Variants in EFCAB6 observed in about 807,000 individuals in gnomAD.
EFCAB6 encodes the protein EF-hand calcium-binding domain-containing protein 6.
In EFCAB6, 156 loss-of-function variants were observed where a neutral mutation model predicts 169.8. That is an observed-to-expected ratio of 0.92 (90% CI 0.81 to 1.05). EFCAB6 has a LOEUF of 1.05. Ranked by LOEUF, EFCAB6 falls within the 50% of genes least tolerant of loss-of-function variation. EFCAB6 has a pLI of 0.00. For missense variants in EFCAB6, 1,800 were observed against 1,829.1 expected, an observed-to-expected ratio of 0.98 and a Z score of 0.29; for synonymous variants, 698 against 676.4, an observed-to-expected ratio of 1.03 and a Z score of -0.50.
chr22:43,574,555 G>A (rs747343953), intron 26 of EFCAB6, among the ~76,000 whole-genome samples: 15 of 152,002 alleles, frequency 9.9e-5, no homozygotes, highest in Middle Eastern at 3.4e-3. Context: ...CCCCATCATC[G>A]TGGGGTCTAG....
intron 27 of EFCAB6, among the ~76,000 whole-genome samples, chr22:43,545,473 G>A (rs1277544432): frequency 6.6e-6 from 1 of 152,176 alleles, no homozygotes; most frequent in Non-Finnish European, 1.5e-5. Context: ...GAAGTACAGC[G>A]AATCATTAAG....
chr22:43,637,674 C>T (rs370599284), intron 17 of EFCAB6, among the ~76,000 whole-genome samples: 4 of 152,088 alleles, frequency 2.6e-5, no homozygotes, highest in Non-Finnish European at 1.5e-5. Context: ...CTGTGGAATT[C>T]GGCAGGAAGC....
At chr22:43,541,228 C>T (rs1268400566) in intron 27 of EFCAB6, among the ~76,000 whole-genome samples, 2 of 152,198 alleles carry the variant, frequency 1.3e-5, no homozygotes, top group Non-Finnish European at 2.9e-5. Flanking sequence ...CGAGTTGCTT[C>T]TGGGTCTCCA....
intron 13 of EFCAB6, among the ~76,000 whole-genome samples, chr22:43,676,979 G>C (rs535121557): frequency 6.6e-6 from 1 of 152,248 alleles, no homozygotes; most frequent in East Asian, 1.9e-4. Context: ...AGTGCATCTC[G>C]TGATATTACT....
chr22:43,711,493 A>T lies in EFCAB6; in HGVS notation c.1013T>A (p.Phe338Tyr). ...CTCTTACCTTTTCATTAACTGGATA[A>T]AAATTCTTCTTGGTATTTGGTATAC... is the stretch of plus-strand genomic sequence containing the variant. ...TFVYQIPRRI[F>Y]IQLMKRFGLK... Residue 338 changes from phenylalanine to tyrosine, a missense_variant, in exon 10 of 32, where the codon TTT becomes TAT. Coordinates refer to ENST00000262726, the MANE Select transcript of EFCAB6 (RefSeq NM_022785.4). The T allele has an allele frequency of 1.9e-6, 3 of 1,582,356 alleles. No homozygotes were observed. Among genetic ancestry groups the T allele is most frequent in the Non-Finnish European group, 2.6e-6 (3 of 1,171,772 alleles).
At chr22:43,722,748 G>A (rs551093784) in intron 8 of EFCAB6, among the ~76,000 whole-genome samples, 2 of 152,238 alleles carry the variant, frequency 1.3e-5, no homozygotes, top group Non-Finnish European at 2.9e-5. Context: ...AACAACACAT[G>A]CACTCATATG....
At chr22:43,712,813 T>A (rs1200797829) in intron 9 of EFCAB6, among the ~76,000 whole-genome samples, 1 of 152,156 alleles carries the variant, frequency 6.6e-6, no homozygotes, top group African/African-American at 2.4e-5. Flanking sequence ...GGAGAGTGTT[T>A]CTGCGATGAT....
In EFCAB6 at chr22:43,752,094, C is replaced by T. The variant is rs1483573372; in HGVS notation, c.507+3672G>A. Among the ~76,000 whole-genome samples the T allele has an allele frequency of 3.3e-5, 5 of 151,136 alleles. No homozygotes were observed. In the Admixed American group the frequency reaches 3.3e-4, roughly 10 times the overall value. On this transcript the variant is annotated intron_variant, in intron 6 of 31. Transcript: ENST00000262726. ...TTGGTTGCCTTCCCAAATCCATTCACCTCTAACCACTTCTCCTTTCCATTT... is the reference window on the plus strand; with the variant it reads ...TTGGTTGCCTTCCCAAATCCATTCATCTCTAACCACTTCTCCTTTCCATTT...
chr22:43,767,958 G>T (rs2061366041), intron 4 of EFCAB6, among the ~76,000 whole-genome samples: 1 of 152,192 alleles, frequency 6.6e-6, no homozygotes. Context: ...TAGACGAATT[G>T]CTGAAAGCGA....
At chr22:43,629,873 T>G (rs1378344283) in intron 19 of EFCAB6, among the ~76,000 whole-genome samples, 1 of 152,128 alleles carries the variant, frequency 6.6e-6, no homozygotes, top group Non-Finnish European at 1.5e-5. Context: ...CGGTCAGAGA[T>G]GCACATGGAT....
intron 25 of EFCAB6, 52 bp downstream of exon 25, chr22:43,580,412 T>C: frequency 6.3e-7 from 1 of 1,589,184 alleles, no homozygotes; most frequent in Non-Finnish European, 8.6e-7. Context: ...TGAGAGGTGT[T>C]TTCATGAATC....
rs146649256 is a variant in EFCAB6 at position 43,626,048 on chromosome 22, T to C, written c.2465+399A>G. On this transcript the variant is annotated intron_variant, in intron 20 of 31. Transcript: ENST00000262726. ...ACATAGAAAAATAAGTATATGTATG[T>C]ATGTGTGTATATATATGTATGTGTG... Among the ~76,000 whole-genome samples, 65 of 151,972 alleles carry C rather than the reference T, an allele frequency of 4.3e-4. No individual in the cohort carries two copies. In the East Asian group the frequency reaches 4.9e-3, roughly 11 times the overall value.
chr22:43,774,351 A>G (rs1050678778), intron 3 of EFCAB6, among the ~76,000 whole-genome samples: 2 of 151,004 alleles, frequency 1.3e-5, no homozygotes, highest in Non-Finnish European at 3.0e-5. Context: ...TACAAGAGAC[A>G]ACGTGCAGGC....
chr22:43,600,208 C>G lies in EFCAB6; in HGVS notation c.2737G>C (p.Gly913Arg). 6.2e-7 allele frequency: 1 copy of G among 1,614,134 alleles called. No individual in the cohort carries two copies. Among genetic ancestry groups the G allele is most frequent in the East Asian group, 2.2e-5 (1 of 44,886 alleles). The change falls in exon 23 of 32, where the codon GGT (glycine) becomes CGT (arginine). Residue 913 changes from glycine to arginine, a missense_variant. Gly to Arg is a moderately radical substitution (Grantham distance 125, BLOSUM62 -2). Transcript: ENST00000262726. ...TGGACAGCAGGCGAATAGTTAATACCCAATTTCTGTAAAAATTCCTGGTAA... is the reference window on the plus strand; with the variant it reads ...TGGACAGCAGGCGAATAGTTAATACGCAATTTCTGTAAAAATTCCTGGTAA... The part of the protein sequence containing the change: ...ITYQEFLQKL[G>R]INYSPAVHRP...
chr22:43,759,009 G>C (rs1292298663), intron 5 of EFCAB6, among the ~76,000 whole-genome samples: 2 of 152,188 alleles, frequency 1.3e-5, no homozygotes, highest in African/African-American at 4.8e-5. Context: ...GATCACCTGA[G>C]GTCAGGAGTT....
chr22:43,699,448 G>A (rs2058691631), intron 10 of EFCAB6, among the ~76,000 whole-genome samples: 1 of 152,144 alleles, frequency 6.6e-6, no homozygotes, highest in Non-Finnish European at 1.5e-5. Flanking sequence ...GTATCCCTGA[G>A]ATGCTTCCTC....
Position 43,687,516 on chromosome 22 carries a change from T to C in EFCAB6, c.1097A>G (p.Gln366Arg). The change falls in exon 11 of 32, where the codon CAG becomes CGG. Residue 366 changes from glutamine (Q) to arginine (R), a missense_variant. Gln to Arg is a conservative substitution (Grantham distance 43). Coordinates refer to ENST00000262726, the MANE Select transcript of EFCAB6 (RefSeq NM_022785.4). ...KQFLTSFHEP[Q>R]GLQVSSKGPL... Reference sequence around the variant, plus strand: ...ACCTTTACTGCTAACTTGCAACCCCTGAGGCTCATGAAATGATGTTAGAAA... The same window carrying C: ...ACCTTTACTGCTAACTTGCAACCCCCGAGGCTCATGAAATGATGTTAGAAA... 6.3e-7 allele frequency: 1 copy of C among 1,598,934 alleles called. No homozygotes were observed. Among genetic ancestry groups the C allele is most frequent in the Non-Finnish European group, 8.5e-7 (1 of 1,173,630 alleles).
chr22:43,730,502 T>C (rs2059909786), intron 8 of EFCAB6, among the ~76,000 whole-genome samples: 4 of 151,974 alleles, frequency 2.6e-5, no homozygotes, highest in Admixed American at 2.6e-4. Flanking sequence ...CCTCATTTTC[T>C]TGAGTTTCGT....
chr22:43,582,740 G>A (rs989238693), intron 24 of EFCAB6, among the ~76,000 whole-genome samples: 1 of 152,084 alleles, frequency 6.6e-6, no homozygotes, highest in Non-Finnish European at 1.5e-5. Context: ...AGATACAGAT[G>A]CCAGGGGAAA....
Sources: allele counts gnomAD v4.1 joint callset (sites outside exome capture counted in the v4.1 genomes callset), GRCh38; gene constraint gnomAD v4.1.1; transcripts MANE v1.5; gene names NCBI Gene and HGNC (gene_info 2026-07-23, HGNC 2026-07-21).